Variants in BIN2 observed in about 807,000 individuals in gnomAD.
The protein encoded by BIN2 is bridging integrator 2.
BIN2 carries 43 observed loss-of-function variants against 67.9 expected under a neutral mutation model. The observed-to-expected ratio is 0.63, with a 90% CI of 0.50 to 0.82. The LOEUF (loss-of-function observed/expected upper bound fraction) is 0.82, where lower values mean the gene tolerates loss of function less well. Among genes scored for constraint, BIN2 ranks in the 40% least tolerant of loss-of-function variants. The pLI, the probability that BIN2 is intolerant of heterozygous loss-of-function variation, is 0.00. For synonymous variants in BIN2, 244 were observed against 246.8 expected (o/e 0.99, Z 0.11); for missense variants, 581 against 671.6 (o/e 0.87, Z 1.49).
chr12:51,318,540 G>A (rs911257332), intron 1 of BIN2, among the ~76,000 whole-genome samples: 2 of 152,212 alleles, frequency 1.3e-5, no homozygotes, highest in African/African-American at 2.4e-5. Context: ...AATTATAGGC[G>A]TGAGCCACTG....
rs1465047798 is a variant in BIN2, at chr12:51,291,863, T to C, written c.1243A>G (p.Ser415Gly). 1 of 1,613,998 alleles carries C rather than the reference T, an allele frequency of 6.2e-7. No homozygotes were observed. The highest frequency in any genetic ancestry group is 1.7e-5 in the Admixed American group (1 of 60,002). ...GTGGCTCTGGGTGGAGGAGGCCTAC[T>C]AGGGGGTGCTGAGGTCCTCTGGATA... ...ASIQRTSAPP[S>G]RPPPPRATAS... The change falls in exon 10 of 13, where the codon AGT (serine) becomes GGT (glycine). Residue 415 changes from serine to glycine, a missense_variant. Physicochemically the swap from Ser to Gly is moderately conservative, Grantham distance 56. Coordinates refer to ENST00000615107, the MANE Select transcript of BIN2 (RefSeq NM_016293.4).
chr12:51,299,594 GT>G lies in BIN2; in HGVS notation c.516+12del. ...GAAGGGTTTACCAGTTTTTGTTGTT[GT>G]TTTTGTTTTACCTTGGCAGTCTTGG... On this transcript the variant is annotated intron_variant, in intron 6 of 12. Transcript: ENST00000615107. 2 of 1,611,944 alleles carry G rather than the reference GT, an allele frequency of 1.2e-6. No individual in the cohort carries two copies. The highest frequency in any genetic ancestry group is 1.7e-6 in the Non-Finnish European group (2 of 1,178,346).
intron 2 of BIN2, among the ~76,000 whole-genome samples, chr12:51,310,332 G>T (rs960180337): frequency 6.6e-6 from 1 of 151,992 alleles, no homozygotes; most frequent in Admixed American, 6.6e-5. Context: ...CTACAAGAAG[G>T]GAGGGATTAG....
chr12:51,312,527 C>T (rs537684776), intron 2 of BIN2, among the ~76,000 whole-genome samples: 8 of 152,218 alleles, frequency 5.3e-5, no homozygotes, highest in Middle Eastern at 3.4e-3. Context: ...TCCCTCTGTT[C>T]GTTACTTAGG....
chr12:51,291,033 C>A (rs961333360), intron 10 of BIN2, among the ~76,000 whole-genome samples: 22 of 151,980 alleles, frequency 1.4e-4, no homozygotes, highest in Non-Finnish European at 2.5e-4. Flanking sequence ...CCTGTAATCC[C>A]AGCTACTCTG....
At position 51,291,773 on chromosome 12, in the gene BIN2, G is replaced by A. The variant is rs1193335235; in HGVS notation, c.1333C>T (p.Pro445Ser). Residue 445 changes from proline (P) to serine (S), a missense_variant, in exon 10 of 13, where the codon CCC becomes TCC. Physicochemically the swap from Pro to Ser is moderately conservative, Grantham distance 74. Coordinates refer to ENST00000615107, the MANE Select transcript of BIN2 (RefSeq NM_016293.4). ...CCCAAGGAGGCCCTAGGGCTGGTGG[G>A]TGAACCCCCTCCAGAGGCTGTAGGG... is the stretch of plus-strand genomic sequence containing the variant. The part of the protein sequence containing the change: ...SSPTASGGGS[P>S]TSPRASLGTG... 1 of 1,613,640 alleles carries A rather than the reference G, an allele frequency of 6.2e-7. No individual in the cohort carries two copies. Among genetic ancestry groups the A allele is most frequent in the Non-Finnish European group, 8.5e-7 (1 of 1,179,734 alleles).
chr12:51,305,312 A>G (rs2137407863), intron 2 of BIN2, among the ~76,000 whole-genome samples: 4 of 150,240 alleles, frequency 2.7e-5, no homozygotes, highest in Admixed American at 2.7e-4. Context: ...TCAAAAATAA[A>G]TAAATAAATA....
intron 2 of BIN2, among the ~76,000 whole-genome samples, chr12:51,313,220 A>AAGGC (rs1204719915): frequency 4.3e-5 from 6 of 138,130 alleles, no homozygotes; most frequent in Admixed American, 2.8e-4. Context: ...GGAAGGAAGG[A>AAGGC]AGGCAGGAAG....
In BIN2 at chr12:51,324,099, C is replaced by T. The variant is rs1248791086; in HGVS notation, c.4G>A (p.Ala2Thr). Reference protein sequence around the residue: MAEGKAGGAAGL... With the variant: MTEGKAGGAAGL... ...GCCGCGCCGCCTGCCTTGCCCTCTG[C>T]CATCCTGCCAACTCCCTGGGGGCCG... Residue 2 changes from alanine to threonine, a missense_variant, in exon 1 of 13, where the codon GCA (alanine) becomes ACA (threonine). Ala to Thr is a moderately conservative substitution (Grantham distance 58, BLOSUM62 0). Coordinates refer to ENST00000615107, the MANE Select transcript of BIN2 (RefSeq NM_016293.4). 6.2e-7 allele frequency: 1 copy of T among 1,613,146 alleles called. No individual in the cohort carries two copies. Among genetic ancestry groups the T allele is most frequent in the Non-Finnish European group, 8.5e-7 (1 of 1,179,602 alleles).
At chr12:51,290,351 A>G (rs1379684056) in intron 10 of BIN2, among the ~76,000 whole-genome samples, 1 of 151,068 alleles carries the variant, frequency 6.6e-6, no homozygotes, top group Non-Finnish European at 1.5e-5. Flanking sequence ...CTGGTCTCGA[A>G]CTCCTGGCCT....
At chr12:51,322,093 G>C (rs1250581824) in intron 1 of BIN2, among the ~76,000 whole-genome samples, 1 of 152,334 alleles carries the variant, frequency 6.6e-6, no homozygotes, top group East Asian at 1.9e-4. Flanking sequence ...TACTTCCTCA[G>C]GGTTCAGGCC....
At chr12:51,318,748 GATA>G (rs1946194835) in intron 1 of BIN2, among the ~76,000 whole-genome samples, 1 of 152,144 alleles carries the variant, frequency 6.6e-6, no homozygotes, top group African/African-American at 2.4e-5. Flanking sequence ...TCCCCCATTA[GATA>G]ATATTTATCT....
chr12:51,302,452 T>A (rs890745164), intron 4 of BIN2: 8 of 542,532 alleles, frequency 1.5e-5, no homozygotes, highest in Non-Finnish European at 2.3e-5. Flanking sequence ...CTTCCCATAA[T>A]GTTTTAAAGA....
At chr12:51,291,159 AC>A (rs1265320712) in intron 10 of BIN2, among the ~76,000 whole-genome samples, 5 of 152,174 alleles carry the variant, frequency 3.3e-5, no homozygotes, top group Admixed American at 6.5e-5. Context: ...AAAAAAGCAA[AC>A]AAACAAACAA....
intron 9 of BIN2, among the ~76,000 whole-genome samples, chr12:51,295,239 T>C (rs1945506236): frequency 6.6e-6 from 1 of 151,638 alleles, no homozygotes; most frequent in East Asian, 1.9e-4. Context: ...GCCACCATTG[T>C]CTGGCCTTGA....
chr12:51,316,467 G>A (rs1946136429), intron 1 of BIN2, among the ~76,000 whole-genome samples: 1 of 152,048 alleles, frequency 6.6e-6, no homozygotes, highest in Non-Finnish European at 1.5e-5. Flanking sequence ...CTGCACTCCA[G>A]CCTGGGTGAC....
chr12:51,317,727 G>A (rs1337453350), intron 1 of BIN2, among the ~76,000 whole-genome samples: 2 of 152,056 alleles, frequency 1.3e-5, no homozygotes, highest in South Asian at 2.1e-4. Flanking sequence ...GGTGGCTCAC[G>A]CCTGTAATCC....
chr12:51,301,803 C>T lies in BIN2; in HGVS notation c.408+217G>A, dbSNP rs1231717832. The stretch of plus-strand genomic sequence containing the variant: ...GGGATTACAGGTGTGAGCCACTGCA[C>T]CCAGCCTTGAAATCTAAGTTTAAAC... On this transcript the variant is annotated intron_variant, in intron 5 of 12. Transcript: ENST00000615107. Among the ~76,000 whole-genome samples the T allele has an allele frequency of 2.6e-5, 4 of 152,120 alleles. No homozygotes were observed. The East Asian group carries it at 5.8e-4, about 22-fold the overall frequency.
At chr12:51,321,328 T>C (rs1405630196) in intron 1 of BIN2, among the ~76,000 whole-genome samples, 2 of 152,208 alleles carry the variant, frequency 1.3e-5, no homozygotes, top group Non-Finnish European at 2.9e-5. Context: ...AATAACCTGC[T>C]TAAAGTGTTG....
Sources: allele counts gnomAD v4.1 joint callset (sites outside exome capture counted in the v4.1 genomes callset), GRCh38; gene constraint gnomAD v4.1.1; transcripts MANE v1.5; gene names NCBI Gene and HGNC (gene_info 2026-07-23, HGNC 2026-07-21).